The following CDH12 variants were observed in gnomAD, a reference collection of about 807,000 sequenced individuals.
CDH12 encodes the protein cadherin-12.
In CDH12, 41 loss-of-function variants were observed where a neutral mutation model predicts 74.1. The observed-to-expected ratio is 0.55, with a 90% CI of 0.43 to 0.72. The LOEUF is 0.72. Ranked by LOEUF, CDH12 falls within the 30% of genes least tolerant of loss-of-function variation. CDH12 has a pLI of 0.00. For synonymous variants in CDH12, 399 were observed against 355.0 expected, an observed-to-expected ratio of 1.12 and a Z score of -1.39; for missense variants, 945 against 977.2, an observed-to-expected ratio of 0.97 and a Z score of 0.44.
intron 6 of CDH12, among the ~76,000 whole-genome samples, chr5:21,958,631 T>C (rs2547587): frequency 0.3 from 44,806 of 151,182 alleles, 10,812 homozygotes; most frequent in African/African-American, 0.67. Flanking sequence ...TCTGGGTTCT[T>C]TATTCTGTTC....
intron 4 of CDH12, among the ~76,000 whole-genome samples, chr5:22,139,939 C>G (rs1400265799): frequency 3.3e-5 from 5 of 151,994 alleles, no homozygotes; most frequent in African/African-American, 1.2e-4. Context: ...CACTTTCCTG[C>G]CAGTTCATCA....
At chr5:22,120,722 T>C (rs536716055) in intron 4 of CDH12, among the ~76,000 whole-genome samples, 2 of 152,274 alleles carry the variant, frequency 1.3e-5, no homozygotes, top group South Asian at 4.1e-4. Flanking sequence ...CTTTTCTTTC[T>C]TTTCTTTCAC....
At chr5:22,113,432 T>G (rs1173685796) in intron 4 of CDH12, among the ~76,000 whole-genome samples, 3 of 152,176 alleles carry the variant, frequency 2.0e-5, no homozygotes. Flanking sequence ...CATCTTAACC[T>G]GAACATTTCC....
chr5:22,040,685 G>A (rs140112584), intron 5 of CDH12, among the ~76,000 whole-genome samples: 54 of 152,252 alleles, frequency 3.5e-4, no homozygotes, highest in African/African-American at 1.2e-3. Context: ...AAACATGCGT[G>A]TCAAGAATTC....
intron 6 of CDH12, among the ~76,000 whole-genome samples, chr5:21,950,757 TTTATTATTATTATTATTATTATTA>T (rs71609723): frequency 7.3e-6 from 1 of 137,006 alleles, no homozygotes; most frequent in Non-Finnish European, 1.6e-5. Flanking sequence ...TAAATTTTAT[TTTATTATTATTATTATTATTATTA>T]TTATTATTAT....
intron 1 of CDH12, among the ~76,000 whole-genome samples, chr5:22,701,364 A>G (rs1411591708): frequency 6.6e-6 from 1 of 152,122 alleles, no homozygotes; most frequent in Non-Finnish European, 1.5e-5. Context: ...TTGAAATGCT[A>G]CAACCTTTAC....
chr5:22,514,273 C>A (rs997328569), intron 1 of CDH12, among the ~76,000 whole-genome samples: 8 of 151,672 alleles, frequency 5.3e-5, no homozygotes, highest in Admixed American at 6.6e-5. Context: ...CACCAAAATA[C>A]ATGAACATTA....
chr5:21,868,337 C>T (rs970122965), intron 6 of CDH12, among the ~76,000 whole-genome samples: 1 of 152,094 alleles, frequency 6.6e-6, no homozygotes, highest in African/African-American at 2.4e-5. Context: ...TCAGAGAGTC[C>T]CCAACCAGAC....
intron 1 of CDH12, among the ~76,000 whole-genome samples, chr5:22,798,013 G>C (rs537164313): frequency 6.6e-6 from 1 of 152,176 alleles, no homozygotes; most frequent in South Asian, 2.1e-4. Context: ...TGTTTTGTCA[G>C]GAAGCCTTAG....
chr5:22,452,429 C>T (rs936321321), intron 2 of CDH12, among the ~76,000 whole-genome samples: 5 of 151,884 alleles, frequency 3.3e-5, no homozygotes, highest in Non-Finnish European at 7.4e-5. Flanking sequence ...CATTTACAGT[C>T]AAATGATTTT....
chr5:22,448,157 CAAA>C (rs756574776), intron 2 of CDH12, among the ~76,000 whole-genome samples: 6 of 96,166 alleles, frequency 6.2e-5, no homozygotes, highest in Non-Finnish European at 8.9e-5. Context: ...GACCCTGTGT[CAAA>C]AAAAAAAAAA....
At chr5:22,278,715 G>T (rs1280547769) in intron 3 of CDH12, among the ~76,000 whole-genome samples, 3 of 152,026 alleles carry the variant, frequency 2.0e-5, no homozygotes, top group African/African-American at 7.2e-5. Flanking sequence ...CACAATTCTA[G>T]ATGGATTATG....
rs537423208 is a variant in CDH12, at chr5:22,125,352, C to T, written c.-186-46490G>A. Among the ~76,000 whole-genome samples, 10 of 152,232 alleles carry T rather than the reference C, an allele frequency of 6.6e-5. No homozygotes were observed. The East Asian group carries it at 1.7e-3, about 27-fold the overall frequency. On this transcript the variant is annotated intron_variant, in intron 4 of 14. Transcript: ENST00000382254. ...TTCAGCTCCCACTTATGAGTGAGAA[C>T]ATGTGCTGTTTGGTTTTCTGTTTCT...
intron 4 of CDH12, among the ~76,000 whole-genome samples, chr5:22,205,714 G>A (rs1751182772): frequency 6.6e-6 from 1 of 152,020 alleles, no homozygotes; most frequent in Non-Finnish European, 1.5e-5. Context: ...AGAATAAAGA[G>A]AACTGAGATG....
intron 2 of CDH12, among the ~76,000 whole-genome samples, chr5:22,412,227 G>A (rs535445451): frequency 6.6e-6 from 1 of 151,832 alleles, no homozygotes; most frequent in South Asian, 2.1e-4. Flanking sequence ...CATATTGCTG[G>A]GTTTTAAGAC....
chr5:22,397,052 C>G (rs1302614748), intron 3 of CDH12, among the ~76,000 whole-genome samples: 1 of 151,970 alleles, frequency 6.6e-6, no homozygotes, highest in Non-Finnish European at 1.5e-5. Flanking sequence ...AATATTCATC[C>G]CTCTTTTCTT....
chr5:22,822,393 A>C (rs1469483430), intron 1 of CDH12, among the ~76,000 whole-genome samples: 1 of 151,986 alleles, frequency 6.6e-6, no homozygotes, highest in Non-Finnish European at 1.5e-5. Context: ...GGATCTAATT[A>C]AACTAAAGAG....
At chr5:21,878,876 AAAGAAAGAAAAAGAAAG>A (rs1752090446) in intron 6 of CDH12, among the ~76,000 whole-genome samples, 1 of 151,340 alleles carries the variant, frequency 6.6e-6, no homozygotes, top group Non-Finnish European at 1.5e-5. Flanking sequence ...AAAGAGAGAG[AAAGAAAGAAAAAGAAAG>A]AAGAAAGAAA....
intron 11 of CDH12, among the ~76,000 whole-genome samples, chr5:21,778,862 G>C (rs539837627): frequency 6.6e-6 from 1 of 151,936 alleles, no homozygotes; most frequent in Non-Finnish European, 1.5e-5. Context: ...CTTGAAATTT[G>C]ATTTTCTGTA....
Sources: allele counts gnomAD v4.1 joint callset (sites outside exome capture counted in the v4.1 genomes callset), GRCh38; gene constraint gnomAD v4.1.1; transcripts MANE v1.5; gene names NCBI Gene and HGNC (gene_info 2026-07-23, HGNC 2026-07-21).